Variants in ZNF398 observed in about 807,000 individuals in gnomAD.
The protein encoded by ZNF398 is zinc finger protein 398.
Under a neutral mutation model 41.9 loss-of-function variants are expected in ZNF398, and 18 were observed. The observed-to-expected ratio is 0.43, with a 90% confidence interval of 0.30 to 0.64. The LOEUF is 0.64. ZNF398 is among the 30% of genes least tolerant of loss of function. The pLI is 0.14. For synonymous variants in ZNF398, 260 were observed against 308.8 expected, an observed-to-expected ratio of 0.84 and a Z score of 1.66; for missense variants, 669 against 822.8, an observed-to-expected ratio of 0.81 and a Z score of 2.29.
At chr7:149,143,580 G>A (rs1471479630), upstream of ZNF398, among the ~76,000 whole-genome samples, 2 of 152,172 alleles carry the variant, frequency 1.3e-5, no homozygotes, top group South Asian at 2.1e-4. Flanking sequence ...CTGGGAGGCC[G>A]AGGTGGGCAG....
chr7:149,179,742 A>G lies in ZNF398; in HGVS notation c.1870A>G (p.Thr624Ala). Residue 624 changes from threonine to alanine, a missense_variant, in exon 6 of 6, where the codon ACT becomes GCT. Around this residue, in one of 3 missense-constraint regions of ZNF398, gnomAD observed 210 missense variants for 290.4 expected, o/e 0.72. Transcript: ENST00000475153. This position sits in a 1 kb window ranked among gnomAD's most constrained non-coding sequence, Gnocchi z 6.1. ...GLETSGLGVNTEGLETNQWYG... is the reference protein window; with the variant it reads ...GLETSGLGVNAEGLETNQWYG... ...TGAAACTTCTGGCCTGGGTGTCAAC[A>G]CTGAAGGTCTAGAGACCAACCAGTG... 1 of 1,613,008 alleles carries G rather than the reference A, an allele frequency of 6.2e-7. No homozygotes were observed. Among genetic ancestry groups the G allele is most frequent in the South Asian group, 1.1e-5 (1 of 90,916 alleles).
upstream of ZNF398, among the ~76,000 whole-genome samples, chr7:149,144,210 G>C (rs1316141394): frequency 1.3e-5 from 2 of 152,198 alleles, no homozygotes; most frequent in African/African-American, 2.4e-5. Flanking sequence ...ATGGAGCTCA[G>C]TTGGAAGTCT....
chr7:149,127,820 A>G (rs1457364052), intron 1 of ZNF398, among the ~76,000 whole-genome samples: 1 of 152,048 alleles, frequency 6.6e-6, no homozygotes, highest in African/African-American at 2.4e-5. Context: ...CACTGTAACC[A>G]GGATACGGAA....
rs1795538017 is a variant in ZNF398 at position 149,179,228 on chromosome 7, A to C, written c.1356A>C (p.Glu452Asp). The C allele has an allele frequency of 2.5e-6, 4 of 1,613,000 alleles. No individual in the cohort carries two copies. Among genetic ancestry groups the C allele is most frequent in the Non-Finnish European group, 3.4e-6 (4 of 1,179,912 alleles). ...GCCACCGGAGAGCTCATGCAAGCGAAAGGCCCTTCCGCTGTGCCCAGTGCG... is the reference window on the plus strand; with the variant it reads ...GCCACCGGAGAGCTCATGCAAGCGACAGGCCCTTCCGCTGTGCCCAGTGCG... ...LTSHRRAHAS[E>D]RPFRCAQCGR... is the part of the protein sequence containing the mutation. Residue 452 changes from glutamate to aspartate, a missense_variant, in exon 6 of 6, where the codon GAA becomes GAC. By Grantham distance (45) the Glu-to-Asp change is conservative. Around this residue, in one of 3 missense-constraint regions of ZNF398, gnomAD observed 210 missense variants for 290.4 expected, o/e 0.72. Coordinates refer to ENST00000475153, the MANE Select transcript of ZNF398 (RefSeq NM_170686.3). The surrounding 1 kb of genome is among the most constrained non-coding windows in gnomAD (Gnocchi z 6.1).
intron 4 of ZNF398, among the ~76,000 whole-genome samples, chr7:149,169,930 CAA>C (rs1457383345): frequency 6.6e-6 from 1 of 152,134 alleles, no homozygotes; most frequent in African/African-American, 2.4e-5. Context: ...GTACCTGGGA[CAA>C]AGTCTGCAGG....
chr7:149,126,619 C>A (rs1002665904), exon 1 of ZNF398: 3 of 270,240 alleles, frequency 1.1e-5, no homozygotes, highest in Non-Finnish European at 2.1e-5. Context: ...CTGGGAGACG[C>A]GCTCCACAGA....
chr7:149,161,820 AAAAG>A (rs1415826009), intron 2 of ZNF398, among the ~76,000 whole-genome samples: 1 of 149,552 alleles, frequency 6.7e-6, no homozygotes. Context: ...AAAAAAAAAA[AAAAG>A]GGGAATTGTT....
chr7:149,166,702 T>TAAAAG (rs1795232089), intron 3 of ZNF398, 115 bp from the exon 4 acceptor site: 1 of 666,206 alleles, frequency 1.5e-6, no homozygotes, highest in Non-Finnish European at 2.6e-6. Flanking sequence ...ATATGAAATC[T>TAAAAG]AAAAGAAATT....
intron 2 of ZNF398, among the ~76,000 whole-genome samples, chr7:149,138,679 A>G (rs1186815374): frequency 6.6e-6 from 1 of 152,222 alleles, no homozygotes; most frequent in East Asian, 1.9e-4. Context: ...ATATATTTAT[A>G]TAAAAGAAGC....
chr7:149,147,602 C>T lies in ZNF398; in HGVS notation c.-141C>T. ...CCCGAGCCCCGACGGCCGCGTGAGT[C>T]CCGTCCGTGCGGGGAAGGCAGGGCC... is the stretch of plus-strand genomic sequence containing the variant. On this transcript the variant is annotated 5_prime_UTR_variant, in exon 1 of 6. Transcript: ENST00000475153. This position sits in a 1 kb window ranked among gnomAD's most constrained non-coding sequence, Gnocchi z 5.6. 1 of 961,758 alleles carries T rather than the reference C, an allele frequency of 1.0e-6. No individual in the cohort carries two copies. The highest frequency in any genetic ancestry group is 1.3e-6 in the Non-Finnish European group (1 of 753,264). The allele number at this position is 961,758 out of a possible 1,614,324, so 59.6% of individuals were successfully genotyped here.
intron 5 of ZNF398, 27 bp from the exon 6 acceptor site, chr7:149,178,621 G>A (rs115311267): frequency 1.9e-6 from 3 of 1,589,424 alleles, no homozygotes; most frequent in Non-Finnish European, 1.7e-6. Flanking sequence ...TTATTGATGG[G>A]TATAACTCTG....
At chr7:149,170,614 A>G (rs1354394364) in intron 4 of ZNF398, among the ~76,000 whole-genome samples, 1 of 152,078 alleles carries the variant, frequency 6.6e-6, no homozygotes, top group Admixed American at 6.6e-5. Context: ...GGGCGCCTGT[A>G]GTCCCAGCTA....
At chr7:149,177,270 G>A (rs1219972168) in intron 5 of ZNF398, among the ~76,000 whole-genome samples, 1 of 152,070 alleles carries the variant, frequency 6.6e-6, no homozygotes, top group East Asian at 1.9e-4. Context: ...TGAGTGGGGT[G>A]GACGACTTAT....
At chr7:149,173,639 T>C (rs2129521593) in intron 4 of ZNF398, among the ~76,000 whole-genome samples, 1 of 152,256 alleles carries the variant, frequency 6.6e-6, no homozygotes, top group South Asian at 2.1e-4. Flanking sequence ...TGAGCACTAG[T>C]ATTTTGAAAG....
intron 1 of ZNF398, chr7:149,128,811 G>C (rs1178115151): frequency 1.5e-5 from 1 of 65,518 alleles, no homozygotes; most frequent in Non-Finnish European, 3.4e-5. Context: ...TTGTTTGTTG[G>C]GTTTTTTCCA....
At chr7:149,157,500 A>C (rs1405161059) in intron 2 of ZNF398, among the ~76,000 whole-genome samples, 13 of 147,000 alleles carry the variant, frequency 8.8e-5, no homozygotes, top group Non-Finnish European at 3.0e-5. Flanking sequence ...GCGCCACTGC[A>C]CTCCAGCCTG....
upstream of ZNF398, among the ~76,000 whole-genome samples, chr7:149,145,600 C>T (rs1283662018): frequency 6.6e-6 from 1 of 152,164 alleles, no homozygotes; most frequent in Non-Finnish European, 1.5e-5. Context: ...TTGAGTTCAA[C>T]CAGTTTGAAG....
chr7:149,160,165 G>A (rs907080473), intron 2 of ZNF398, among the ~76,000 whole-genome samples: 6 of 152,230 alleles, frequency 3.9e-5, no homozygotes, highest in Non-Finnish European at 5.9e-5. Flanking sequence ...TAGGCCAGGC[G>A]CGGTGACTCA....
upstream of ZNF398, among the ~76,000 whole-genome samples, chr7:149,145,798 T>C (rs1177543090): frequency 6.6e-6 from 1 of 152,160 alleles, no homozygotes; most frequent in Non-Finnish European, 1.5e-5. Flanking sequence ...GGTGGCCCTA[T>C]GATTAGACCT....
Sources: allele counts gnomAD v4.1 joint callset (sites outside exome capture counted in the v4.1 genomes callset), GRCh38; gene constraint gnomAD v4.1.1; regional missense constraint gnomAD v4.1.1; non-coding constraint Gnocchi (gnomAD v3.1); transcripts MANE v1.5; gene names NCBI Gene and HGNC (gene_info 2026-07-23, HGNC 2026-07-21).